The following SLC26A1 variants were observed in gnomAD, a reference collection of about 807,000 sequenced individuals.
SLC26A1 encodes solute carrier family 26 member 1.
SLC26A1 carries 18 observed loss-of-function variants against 14.5 expected under a neutral mutation model. The observed-to-expected ratio is 1.24, with a 90% confidence interval of 0.86 to 1.84. SLC26A1 has a LOEUF of 1.84. Ranked by LOEUF, SLC26A1 falls within the 40% of genes most tolerant of loss-of-function variation. SLC26A1 has a pLI of 0.00. For synonymous variants in SLC26A1, 505 were observed against 492.0 expected, an observed-to-expected ratio of 1.03 and a Z score of -0.35; for missense variants, 1,049 against 1,020.0, an observed-to-expected ratio of 1.03 and a Z score of -0.39.
chr4:981,349 T>C (rs4690163), intron 2 of SLC26A1, among the ~76,000 whole-genome samples: 101,716 of 152,090 alleles, frequency 0.67, 34,168 homozygotes, highest in South Asian at 0.74. Context: ...TGGTGGCTCA[T>C]GCCTGTAATC....
At chr4:992,359 G>C in intron 1 of SLC26A1, 1 of 369,500 alleles carries the variant, frequency 2.7e-6, no homozygotes, top group Non-Finnish European at 5.5e-6. Flanking sequence ...GGGTCCTGGG[G>C]CTGGCGGAAG....
At chr4:979,362 G>T in exon 3 of SLC26A1, 1 of 1,100,958 alleles carries the variant, frequency 9.1e-7, no homozygotes, top group South Asian at 1.3e-5. Flanking sequence ...TGGTGTGAGG[G>T]TCCCGCATTC....
rs1343474824 is a variant in SLC26A1 at position 990,293 on chromosome 4, C to T, written c.646G>A (p.Ala216Thr). ...YLSQPLLDGFAMGASVTILTS... is the reference protein window; with the variant it reads ...YLSQPLLDGFTMGASVTILTS... ...AGGATGGTCACGGAGGCCCCCATGGCAAAGCCATCGAGCAGTGGCTGTGAG... is the reference window on the plus strand; with the variant it reads ...AGGATGGTCACGGAGGCCCCCATGGTAAAGCCATCGAGCAGTGGCTGTGAG... Residue 216 changes from alanine to threonine, a missense_variant, in exon 3 of 3, where the codon GCC becomes ACC. By Grantham distance (58) the Ala-to-Thr change is moderately conservative. Coordinates refer to ENST00000398516, the MANE Select transcript of SLC26A1 (RefSeq NM_022042.4). The T allele has an allele frequency of 1.2e-6, 2 of 1,603,736 alleles. No individual in the cohort carries two copies. Among genetic ancestry groups the T allele is most frequent in the South Asian group, 1.1e-5 (1 of 88,924 alleles).
intron 1 of SLC26A1, chr4:992,609 G>A: frequency 8.8e-5 from 17 of 192,404 alleles, no homozygotes; most frequent in Non-Finnish European, 1.5e-4. Flanking sequence ...TTCCCAGGCT[G>A]CACCAGCTCA....
intron 1 of SLC26A1, chr4:993,014 C>G (rs1459724564): frequency 1.3e-5 from 2 of 152,150 alleles, no homozygotes; most frequent in Admixed American, 1.3e-4. Flanking sequence ...TTGACACATG[C>G]AGGCTGGGCA....
downstream of SLC26A1, chr4:987,250 C>T (rs1210900840): frequency 2.8e-5 from 42 of 1,513,606 alleles, no homozygotes; most frequent in East Asian, 1.1e-3. Flanking sequence ...CTGGTGAGCG[C>T]TCCGCGGCCT....
chr4:986,211 C>T (rs1017837813), downstream of SLC26A1, among the ~76,000 whole-genome samples: 6 of 152,046 alleles, frequency 3.9e-5, no homozygotes, highest in African/African-American at 9.7e-5. Flanking sequence ...TGTGAGCCAC[C>T]GCACCAAGCC....
chr4:990,041 C>A lies in SLC26A1; in HGVS notation c.898G>T (p.Val300Leu). The A allele has an allele frequency of 6.3e-7, 1 of 1,599,048 alleles. No individual in the cohort carries two copies. The highest frequency in any genetic ancestry group is 1.7e-4 in the Middle Eastern group (1 of 6,046). Reference protein sequence around the residue: ...VPLPTELLVIVVATLVSHFGQ... With the variant: ...VPLPTELLVILVATLVSHFGQ... ...AAGTGCGACACGAGTGTGGCCACCACGATGACCAGCAGCTCCGTGGGCAGC... is the reference window on the plus strand; with the variant it reads ...AAGTGCGACACGAGTGTGGCCACCAAGATGACCAGCAGCTCCGTGGGCAGC... Residue 300 changes from valine to leucine, a missense_variant, in exon 3 of 3, where the codon GTG becomes TTG. Transcript: ENST00000398516.
chr4:988,011 AG>A lies in SLC26A1; in HGVS notation c.*821del. On this transcript the variant is annotated 3_prime_UTR_variant, in exon 3 of 3. Transcript: ENST00000398516. ...CTTACAGAGGCACAGATGGGAGGGG[AG>A]GGCTGGGGGCTGCTCGGAAGACCCC... 1 of 1,488,942 alleles carries A rather than the reference AG, an allele frequency of 6.7e-7. No individual in the cohort carries two copies. 92.2% of individuals were successfully genotyped at this position (1,488,942 alleles called of 1,614,324 possible). A position where few individuals can be genotyped will look rare whatever the true frequency, so the allele number is the denominator to read the frequency against.
chr4:988,819 C>A lies in SLC26A1; in HGVS notation c.*14G>T. 6.4e-7 allele frequency: 1 copy of A among 1,557,056 alleles called. No individual in the cohort carries two copies. The highest frequency in any genetic ancestry group is 8.7e-7 in the Non-Finnish European group (1 of 1,151,582). On this transcript the variant is annotated 3_prime_UTR_variant, in exon 3 of 3. Transcript: ENST00000398516. ...CCAGGAGGGAGCAGAGGCTGCTGGG[C>A]AGGCCTGGCCCTGCTACAGATGGGC...
Position 987,882 on chromosome 4 carries a change from G to A in SLC26A1, c.*951C>T, listed in dbSNP as rs1053047352. ...CCAGCAGCTCAACCTCGCCTATGTG[G>A]GCGCCGTCCCTCACCGCGGCATCAA... On this transcript the variant is annotated 3_prime_UTR_variant, in exon 3 of 3. Coordinates refer to ENST00000398516, the MANE Select transcript of SLC26A1 (RefSeq NM_022042.4). The A allele has an allele frequency of 1.3e-5, 21 of 1,611,774 alleles. 1 individual carries two copies. In the East Asian group the frequency reaches 2.0e-4, roughly 15 times the overall value.
At chr4:991,824 C>T (rs1421813786) in intron 1 of SLC26A1, 94 bp from the exon 2 acceptor site, 4 of 1,533,022 alleles carry the variant, frequency 2.6e-6, no homozygotes, top group Non-Finnish European at 2.6e-6. Flanking sequence ...GGGGCGGACC[C>T]CTCGCCCACC....
At position 988,958 on chromosome 4, in the gene SLC26A1, C is replaced by T. The variant is rs776094401; in HGVS notation, c.1981G>A (p.Gly661Ser). 3.1e-6 allele frequency: 5 copies of T among 1,596,186 alleles called. No individual in the cohort carries two copies. The South Asian group carries it at 3.4e-5, about 11-fold the overall frequency. ...TCCCCGGGGCCCTCCCCGAGGAAGCCTCCTCTGCTCAGAATGTCTCTCACA... is the reference window on the plus strand; with the variant it reads ...TCCCCGGGGCCCTCCCCGAGGAAGCTTCCTCTGCTCAGAATGTCTCTCACA... ...PPVRDILSRG[G>S]FLGEGPGDTA... Residue 661 changes from glycine (G) to serine (S), a missense_variant, in exon 3 of 3, where the codon GGC becomes AGC. By Grantham distance (56) the Gly-to-Ser change is moderately conservative. Transcript: ENST00000398516.
chr4:990,449 G>A, intron 2 of SLC26A1, 87 bp from the exon 3 acceptor site: 2 of 1,307,316 alleles, frequency 1.5e-6, no homozygotes, highest in Non-Finnish European at 2.1e-6. Flanking sequence ...GAGGGGTGGT[G>A]GTCACGGCAC....
chr4:991,044 G>T, intron 2 of SLC26A1, 84 bp downstream of exon 2: 1 of 1,343,874 alleles, frequency 7.4e-7, no homozygotes, highest in Non-Finnish European at 1.0e-6. Flanking sequence ...CCCTGTGCTT[G>T]CCCCCAGCCT....
chr4:981,471 ACAAT>A (rs76824732), intron 2 of SLC26A1, among the ~76,000 whole-genome samples: 1 of 151,604 alleles, frequency 6.6e-6, no homozygotes, highest in Non-Finnish European at 1.5e-5. Context: ...GACCCTATCT[ACAAT>A]CAATCAATCA....
intron 2 of SLC26A1, 115 bp downstream of exon 2, chr4:991,013 G>C: frequency 9.1e-7 from 1 of 1,103,062 alleles, no homozygotes; most frequent in Non-Finnish European, 1.3e-6. Context: ...TGCTGTCTTG[G>C]GCCAGCACCT....
rs749161317 is a variant in SLC26A1 at position 989,383 on chromosome 4, G to C, written c.1556C>G (p.Thr519Arg). 1 of 1,575,538 alleles carries C rather than the reference G, an allele frequency of 6.3e-7. No homozygotes were observed. Among genetic ancestry groups the C allele is most frequent in the Admixed American group, 1.8e-5 (1 of 54,240 alleles). ...CTCTGTGGCATCCTCGTAGAAGGCC[G>C]TGTCCCCGATGCGGGCCAGCAGGGC... is the stretch of plus-strand genomic sequence containing the variant. ...RTALLARIGD[T>R]AFYEDATEFE... Residue 519 changes from threonine (T) to arginine (R), a missense_variant, in exon 3 of 3, where the codon ACG becomes AGG. Coordinates refer to ENST00000398516, the MANE Select transcript of SLC26A1 (RefSeq NM_022042.4).
At chr4:992,467 C>A (rs1714441334) in intron 1 of SLC26A1, among the ~76,000 whole-genome samples, 1 of 152,252 alleles carries the variant, frequency 6.6e-6, no homozygotes, top group Non-Finnish European at 1.5e-5. Flanking sequence ...CCTAGCCCAT[C>A]CGCCTGGACT....
Sources: allele counts gnomAD v4.1 joint callset (sites outside exome capture counted in the v4.1 genomes callset), GRCh38; gene constraint gnomAD v4.1.1; transcripts MANE v1.5; gene names NCBI Gene and HGNC (gene_info 2026-07-23, HGNC 2026-07-21).